DENND1A: variants seen among roughly 807,000 people sequenced by gnomAD.
DENND1A encodes the protein DENN domain containing 1A, also known as DENN domain-containing protein 1A.
Under a neutral mutation model 113.7 loss-of-function variants are expected in DENND1A, and 51 were observed. The observed-to-expected ratio is 0.45, with a 90% CI of 0.36 to 0.57. DENND1A has a LOEUF of 0.57. Ranked by LOEUF, DENND1A falls within the 20% of genes least tolerant of loss-of-function variation. The pLI is 0.00. For missense variants in DENND1A, 1,258 were observed against 1,395.9 expected, an observed-to-expected ratio of 0.90 and a Z score of 1.57; for synonymous variants, 565 against 570.8, an observed-to-expected ratio of 0.99 and a Z score of 0.14.
intron 11 of DENND1A, among the ~76,000 whole-genome samples, chr9:123,602,717 T>G (rs2059987507): frequency 6.6e-6 from 1 of 152,190 alleles, no homozygotes; most frequent in Non-Finnish European, 1.5e-5. Context: ...CAGGCTGGAG[T>G]GCGGTGGCAC....
chr9:123,694,211 T>C (rs1287960231), intron 5 of DENND1A, among the ~76,000 whole-genome samples: 1 of 152,146 alleles, frequency 6.6e-6, no homozygotes, highest in Non-Finnish European at 1.5e-5. Flanking sequence ...TCTGTCTATG[T>C]ATGCTGGGGT....
chr9:123,516,873 A>G (rs2053955979), intron 13 of DENND1A, among the ~76,000 whole-genome samples: 1 of 122,622 alleles, frequency 8.2e-6, no homozygotes, highest in African/African-American at 3.3e-5. Context: ...TGACAGAGTG[A>G]GACTCTGTCT....
In DENND1A at chr9:123,603,453, T is replaced by A. The variant is rs527468544; in HGVS notation, c.765+5983A>T. The stretch of plus-strand genomic sequence containing the variant: ...TGGCACCTGGATGCTGTCCTCTGAA[T>A]GGCGGCTCAGTGCTGTTTTAAGCAC... On this transcript the variant is annotated intron_variant, in intron 11 of 23. Transcript: ENST00000394215. Among the ~76,000 whole-genome samples, 5 of 152,350 alleles carry A rather than the reference T, an allele frequency of 3.3e-5. 1 individual carries two copies. In the South Asian group the frequency reaches 1.0e-3, roughly 32 times the overall value.
At chr9:123,925,091 T>C (rs57544396) in intron 1 of DENND1A, among the ~76,000 whole-genome samples, 13,132 of 152,256 alleles carry the variant, frequency 0.086, 959 homozygotes, top group African/African-American at 0.2. Flanking sequence ...TTCACCTGGT[T>C]TTTTTAATGT....
intron 2 of DENND1A, among the ~76,000 whole-genome samples, chr9:123,813,619 G>A (rs1297839757): frequency 2.6e-5 from 4 of 151,756 alleles, no homozygotes; most frequent in Non-Finnish European, 5.9e-5. Flanking sequence ...ATACTGAGTC[G>A]GCTTTACTTA....
At chr9:123,903,257 G>A (rs371829847) in intron 1 of DENND1A, among the ~76,000 whole-genome samples, 5,546 of 147,564 alleles carry the variant, frequency 0.038, 113 homozygotes, top group Middle Eastern at 0.046. Context: ...GCGTGAACCC[G>A]GGAGGCGGAG....
chr9:123,403,611 A>G (rs2043688129), intron 20 of DENND1A, 121 bp from the exon 21 acceptor site: 1 of 831,542 alleles, frequency 1.2e-6, no homozygotes, highest in Non-Finnish European at 1.9e-6. Flanking sequence ...TCAAAGCTAC[A>G]GGCTACAAAA....
intron 8 of DENND1A, among the ~76,000 whole-genome samples, chr9:123,664,371 TTGAA>T (rs1393210970): frequency 2.0e-5 from 3 of 152,262 alleles, no homozygotes; most frequent in East Asian, 1.9e-4. Flanking sequence ...TTTAAATTTA[TTGAA>T]TAAGTTTAAA....
chr9:123,693,987 C>G (rs967238940), intron 5 of DENND1A, among the ~76,000 whole-genome samples: 1 of 151,338 alleles, frequency 6.6e-6, no homozygotes, highest in Non-Finnish European at 1.5e-5. Flanking sequence ...GCCACCGCAC[C>G]CGGCTAAATT....
intron 3 of DENND1A, among the ~76,000 whole-genome samples, chr9:123,776,395 T>C (rs1048932748): frequency 2.0e-5 from 3 of 152,210 alleles, no homozygotes; most frequent in African/African-American, 7.2e-5. Flanking sequence ...GGAAGAAAAG[T>C]GATATACTGA....
intron 8 of DENND1A, among the ~76,000 whole-genome samples, chr9:123,656,947 A>G (rs1020370825): frequency 2.0e-5 from 3 of 152,152 alleles, no homozygotes; most frequent in Non-Finnish European, 4.4e-5. Flanking sequence ...TTTCAGTTAC[A>G]CATACATTTA....
chr9:123,562,780 C>A lies in DENND1A; in HGVS notation c.868-5085G>T, dbSNP rs553802236. Among the ~76,000 whole-genome samples the A allele has an allele frequency of 5.9e-5, 9 of 152,134 alleles. No individual in the cohort carries two copies. In the South Asian group the frequency reaches 1.9e-3, roughly 32 times the overall value. Reference sequence around the variant, plus strand: ...GAAAGAGGGAATCCAGATGTCCCCCCATCTGTGAAGCCTGCCCTGACCACT... The same window carrying A: ...GAAAGAGGGAATCCAGATGTCCCCCAATCTGTGAAGCCTGCCCTGACCACT... On this transcript the variant is annotated intron_variant, in intron 12 of 23. Coordinates refer to ENST00000394215, the MANE Select transcript of DENND1A (RefSeq NM_001352964.2).
intron 13 of DENND1A, among the ~76,000 whole-genome samples, chr9:123,540,784 C>G (rs1483335267): frequency 1.3e-5 from 2 of 152,200 alleles, no homozygotes; most frequent in Non-Finnish European, 2.9e-5. Flanking sequence ...AGTCACCACC[C>G]TGACACATTG....
chr9:123,668,778 C>A (rs1036759622), intron 7 of DENND1A, among the ~76,000 whole-genome samples: 1 of 152,212 alleles, frequency 6.6e-6, no homozygotes, highest in Non-Finnish European at 1.5e-5. Context: ...TATCAAAATA[C>A]TACCTATGAA....
At chr9:123,918,285 G>A (rs902046476) in intron 1 of DENND1A, among the ~76,000 whole-genome samples, 4 of 150,510 alleles carry the variant, frequency 2.7e-5, no homozygotes, top group Non-Finnish European at 1.5e-5. Flanking sequence ...TCAGGAGATC[G>A]AGACCATCCT....
intron 9 of DENND1A, among the ~76,000 whole-genome samples, chr9:123,642,572 G>A (rs987614193): frequency 1.1e-4 from 16 of 152,150 alleles, no homozygotes; most frequent in African/African-American, 3.9e-4. Flanking sequence ...CACAATGTTC[G>A]ATTTATTTTA....
chr9:123,635,797 G>A (rs148166891), intron 9 of DENND1A, among the ~76,000 whole-genome samples: 1 of 152,300 alleles, frequency 6.6e-6, no homozygotes, highest in East Asian at 1.9e-4. Context: ...CTGACAGGCT[G>A]GCTTGAAAGT....
In DENND1A at chr9:123,707,984, G is replaced by A. The variant is rs143190143; in HGVS notation, c.303-31195C>T. Among the ~76,000 whole-genome samples the A allele has an allele frequency of 1.5e-3, 221 of 152,278 alleles. 1 individual carries two copies. Among genetic ancestry groups the A allele is most frequent in the Non-Finnish European group, 2.7e-3 (186 of 68,020 alleles). On this transcript the variant is annotated intron_variant, in intron 5 of 23. Coordinates refer to ENST00000394215, the MANE Select transcript of DENND1A (RefSeq NM_001352964.2). ...GATGGAATCTAGTGCATGGATGCAT[G>A]GTTTTGTTCTTGCTAGGAATCTGGA... is the stretch of plus-strand genomic sequence containing the variant.
intron 2 of DENND1A, among the ~76,000 whole-genome samples, chr9:123,858,532 C>G (rs1204904452): frequency 4.6e-5 from 7 of 152,074 alleles, no homozygotes. Flanking sequence ...ATAGAAGGAA[C>G]AGTTTAGGAT....
Sources: allele counts gnomAD v4.1 joint callset (sites outside exome capture counted in the v4.1 genomes callset), GRCh38; gene constraint gnomAD v4.1.1; transcripts MANE v1.5; gene names NCBI Gene and HGNC (gene_info 2026-07-23, HGNC 2026-07-21).